The following RBMS3 variants were observed in gnomAD, a reference collection of about 807,000 sequenced individuals.
The protein encoded by RBMS3 is RNA binding motif single stranded interacting protein 3.
RBMS3 carries 27 observed loss-of-function variants against 66.8 expected under a neutral mutation model. That is an observed-to-expected ratio of 0.40 (90% confidence interval 0.30 to 0.56). The LOEUF is 0.56. Among genes scored for constraint, RBMS3 ranks in the 20% least tolerant of loss-of-function variants. The probability of loss-of-function intolerance (pLI) is 0.40; values close to 1 mark genes in which losing one functional copy is unlikely to be tolerated. For synonymous variants in RBMS3, 188 were observed against 183.0 expected, an observed-to-expected ratio of 1.03 and a Z score of -0.22; for missense variants, 513 against 549.5, an observed-to-expected ratio of 0.93 and a Z score of 0.66.
intron 8 of RBMS3, 54 bp from the exon 9 acceptor site, chr3:29,897,325 G>C: frequency 1.3e-6 from 2 of 1,499,944 alleles, no homozygotes; most frequent in South Asian, 2.3e-5. Flanking sequence ...CATTTGATTA[G>C]AGGCCAGGCA....
chr3:29,749,154 G>A (rs2055063191), intron 5 of RBMS3, among the ~76,000 whole-genome samples: 1 of 152,154 alleles, frequency 6.6e-6, no homozygotes, highest in African/African-American at 2.4e-5. Context: ...TGTTCCACTG[G>A]TGAGTACACT....
intron 6 of RBMS3, among the ~76,000 whole-genome samples, chr3:29,793,114 C>A (rs1180092399): frequency 6.6e-6 from 1 of 151,926 alleles, no homozygotes; most frequent in Non-Finnish European, 1.5e-5. Context: ...ACCTATAATC[C>A]CAGTTACTTG....
chr3:29,798,570 A>G (rs148752553), intron 6 of RBMS3, among the ~76,000 whole-genome samples: 1 of 152,300 alleles, frequency 6.6e-6, no homozygotes, highest in East Asian at 1.9e-4. Flanking sequence ...CTAACTCTAT[A>G]GCATATACAG....
At chr3:29,856,818 A>G (rs2149527520) in intron 6 of RBMS3, among the ~76,000 whole-genome samples, 1 of 152,160 alleles carries the variant, frequency 6.6e-6, no homozygotes, top group East Asian at 1.9e-4. Context: ...TATTTTTATG[A>G]TTGCTTAGAT....
At chr3:29,896,547 A>G (rs1324476580) in intron 8 of RBMS3, among the ~76,000 whole-genome samples, 1 of 151,628 alleles carries the variant, frequency 6.6e-6, no homozygotes, top group Middle Eastern at 3.2e-3. Flanking sequence ...GCTTACCAGT[A>G]AGACATAGGG....
At chr3:29,719,210 C>A (rs2053534465) in intron 4 of RBMS3, among the ~76,000 whole-genome samples, 1 of 152,046 alleles carries the variant, frequency 6.6e-6, no homozygotes, top group African/African-American at 2.4e-5. Context: ...TAAAATGAAA[C>A]AACGTGAAAG....
intron 1 of RBMS3, among the ~76,000 whole-genome samples, chr3:29,347,641 T>C (rs1048260673): frequency 6.6e-6 from 1 of 152,132 alleles, no homozygotes; most frequent in African/African-American, 2.4e-5. Flanking sequence ...ATGACAAAGA[T>C]TTTACCCCTG....
chr3:29,914,613 G>T (rs1327070934), intron 10 of RBMS3, among the ~76,000 whole-genome samples: 1 of 151,590 alleles, frequency 6.6e-6, no homozygotes, highest in Non-Finnish European at 1.5e-5. Flanking sequence ...ACCCAATTAT[G>T]CTTTTTCTTA....
chr3:29,981,458 A>G (rs1697988645), intron 12 of RBMS3, among the ~76,000 whole-genome samples: 1 of 152,150 alleles, frequency 6.6e-6, no homozygotes, highest in African/African-American at 2.4e-5. Flanking sequence ...CAGAACTTCC[A>G]ATACTATGTT....
intron 3 of RBMS3, among the ~76,000 whole-genome samples, chr3:29,529,927 A>G (rs1304043363): frequency 6.6e-6 from 1 of 152,184 alleles, no homozygotes; most frequent in Admixed American, 6.5e-5. Context: ...AAACTGATAT[A>G]CTACAGGATA....
intron 7 of RBMS3, among the ~76,000 whole-genome samples, chr3:29,872,253 TA>T (rs1438063059): frequency 6.6e-6 from 1 of 152,092 alleles, no homozygotes; most frequent in Non-Finnish European, 1.5e-5. Context: ...CATGTGCTAA[TA>T]AAAACAGTAT....
At chr3:29,640,117 C>G (rs2149194153) in intron 4 of RBMS3, among the ~76,000 whole-genome samples, 1 of 151,902 alleles carries the variant, frequency 6.6e-6, no homozygotes, top group Non-Finnish European at 1.5e-5. Context: ...GAAAGGAATG[C>G]TAGCAAATCA....
chr3:29,941,433 A>G (rs2061390876), intron 11 of RBMS3, among the ~76,000 whole-genome samples: 1 of 151,886 alleles, frequency 6.6e-6, no homozygotes. Flanking sequence ...CATAAATGGT[A>G]ATGGGTACAT....
intron 6 of RBMS3, among the ~76,000 whole-genome samples, chr3:29,801,272 C>CTTTTTTTTTTTTTTTTTTTTT (rs200997680): frequency 1.2e-3 from 159 of 129,440 alleles, no homozygotes; most frequent in Non-Finnish European, 1.9e-3. Context: ...TGCTTTTTTT[C>CTTTTTTTTTTTTTTTTTTTTT]TTTTTTTTTT....
chr3:29,446,893 T>TCCATTAAG (rs1192068292), intron 2 of RBMS3, among the ~76,000 whole-genome samples: 1 of 149,268 alleles, frequency 6.7e-6, no homozygotes. Flanking sequence ...CTTCAATGCT[T>TCCATTAAG]CCATTAAGCA....
At chr3:29,303,774 C>T (rs1456771216) in intron 1 of RBMS3, among the ~76,000 whole-genome samples, 7 of 151,786 alleles carry the variant, frequency 4.6e-5, no homozygotes, top group South Asian at 4.2e-4. Context: ...CATATTAGTC[C>T]GTTTTCACAC....
At chr3:29,596,584 A>G (rs1355602300) in intron 4 of RBMS3, among the ~76,000 whole-genome samples, 3 of 152,196 alleles carry the variant, frequency 2.0e-5, no homozygotes, top group African/African-American at 7.2e-5. Context: ...AAAATAGGAG[A>G]TGTCCCACAT....
At chr3:29,554,539 T>C (rs2046281298) in intron 3 of RBMS3, among the ~76,000 whole-genome samples, 1 of 152,130 alleles carries the variant, frequency 6.6e-6, no homozygotes, top group Admixed American at 6.5e-5. Context: ...ATCCACAAAA[T>C]TAAACATGAC....
intron 6 of RBMS3, among the ~76,000 whole-genome samples, chr3:29,851,939 G>C (rs935379681): frequency 6.6e-6 from 1 of 152,156 alleles, no homozygotes; most frequent in Non-Finnish European, 1.5e-5. Context: ...ATACTACATA[G>C]CTACAGTAAC....
Sources: allele counts gnomAD v4.1 joint callset (sites outside exome capture counted in the v4.1 genomes callset), GRCh38; gene constraint gnomAD v4.1.1; transcripts MANE v1.5; gene names NCBI Gene and HGNC (gene_info 2026-07-23, HGNC 2026-07-21).